DBR1: variants seen among roughly 807,000 people sequenced by gnomAD.
The protein encoded by DBR1 is debranching RNA lariats 1, also known as lariat debranching enzyme.
In DBR1, 33 loss-of-function variants were observed where a neutral mutation model predicts 45.9. The ratio of observed to expected loss-of-function variants is 0.72; its 90% confidence interval spans 0.55 to 0.96. DBR1 has a LOEUF of 0.96. DBR1 is among the 40% of genes least tolerant of loss of function. The probability of loss-of-function intolerance (pLI) is 0.00; values close to 1 mark genes in which losing one functional copy is unlikely to be tolerated. For synonymous variants in DBR1, 235 were observed against 235.9 expected (o/e 1.00, Z 0.04); for missense variants, 619 against 667.4 (o/e 0.93, Z 0.80).
chr3:138,166,587 A>G (rs539725983), intron 5 of DBR1, among the ~76,000 whole-genome samples: 3 of 152,158 alleles, frequency 2.0e-5, no homozygotes, highest in South Asian at 2.1e-4. Context: ...TCACTCCCCA[A>G]ATTTCCCCAT....
chr3:138,162,293 G>C lies in DBR1; in HGVS notation c.1231C>G (p.Gln411Glu), dbSNP rs1402323454. The change falls in exon 8 of 8, where the codon CAG becomes GAG. Residue 411 changes from glutamine (Q) to glutamate (E), a missense_variant. Gln to Glu is a conservative substitution (Grantham distance 29, BLOSUM62 2). Transcript: ENST00000260803. ...GATGTGTCTGTATTATATTCACTCT[G>C]GTCTTCTCCAGAGTCATTACTCTCC... ...DVESNDSGED[Q>E]SEYNTDTSAL... 3 of 1,614,066 alleles carry C rather than the reference G, an allele frequency of 1.9e-6. No homozygotes were observed. Among genetic ancestry groups the C allele is most frequent in the Admixed American group, 3.3e-5 (2 of 60,012 alleles).
At position 138,164,105 on chromosome 3, in the gene DBR1, G is replaced by A. The variant is rs939313181; in HGVS notation, c.715-247C>T. 1.3e-4 allele frequency: 44 copies of A among 336,884 alleles called. No individual in the cohort carries two copies. In the South Asian group the frequency reaches 1.4e-3, roughly 11 times the overall value. 20.9% of individuals were successfully genotyped at this position (336,884 alleles called of 1,614,324 possible). ...CAAGGCAAAAACTAATGATGATGAT[G>A]ATGTTAACTCAAAGCATTGAACACA... On this transcript the variant is annotated intron_variant, in intron 5 of 7. Coordinates refer to ENST00000260803, the MANE Select transcript of DBR1 (RefSeq NM_016216.4).
chr3:138,163,421 C>T lies in DBR1; in HGVS notation c.869G>A (p.Arg290Lys). The change falls in exon 7 of 8, where the codon AGG becomes AAG. Residue 290 changes from arginine (R) to lysine (K), a missense_variant. Coordinates refer to ENST00000260803, the MANE Select transcript of DBR1 (RefSeq NM_016216.4). ...CACATTAATAAGATCATCCGTAGCC[C>T]TGAGAATAGTGAGCCATTCAATATC... ...EYDIEWLTILRATDDLINVTG... is the reference protein window; with the variant it reads ...EYDIEWLTILKATDDLINVTG... 6.2e-7 allele frequency: 1 copy of T among 1,613,666 alleles called. No homozygotes were observed.
intron 5 of DBR1, among the ~76,000 whole-genome samples, chr3:138,164,806 C>T (rs988183964): frequency 2.0e-5 from 3 of 152,164 alleles, no homozygotes; most frequent in African/African-American, 7.2e-5. Flanking sequence ...GCTAACATGC[C>T]CAGCTAATTT....
intron 1 of DBR1, among the ~76,000 whole-genome samples, chr3:138,174,378 T>C (rs527778367): frequency 6.6e-6 from 1 of 152,258 alleles, no homozygotes; most frequent in South Asian, 2.1e-4. Flanking sequence ...CCTAATGAGA[T>C]AGGGTGCTAG....
At chr3:138,165,872 G>C (rs1244832759) in intron 5 of DBR1, among the ~76,000 whole-genome samples, 1 of 152,226 alleles carries the variant, frequency 6.6e-6, no homozygotes, top group Non-Finnish European at 1.5e-5. Flanking sequence ...CAATTACAAA[G>C]AGGTCAAACA....
At position 138,162,210 on chromosome 3, in the gene DBR1, ATCTTCATCTTCT is replaced by A; in HGVS notation, c.1302_1313del (p.Glu434_Glu437del). On this transcript the variant is annotated inframe_deletion, in exon 8 of 8. Transcript: ENST00000260803. The stretch of plus-strand genomic sequence containing the variant: ...TGCCACTATGTGCACTTACAATACT[ATCTTCATCTTCT>A]TCTTCATCTAACATTATTTCATCTG... 6.2e-7 allele frequency: 1 copy of A among 1,613,320 alleles called. No individual in the cohort carries two copies. The highest frequency in any genetic ancestry group is 8.5e-7 in the Non-Finnish European group (1 of 1,179,292).
Position 138,161,880 on chromosome 3 carries a change from T to C in DBR1, c.*9A>G. 1 of 1,598,118 alleles carries C rather than the reference T, an allele frequency of 6.3e-7. No homozygotes were observed. Among genetic ancestry groups the C allele is most frequent in the Non-Finnish European group, 8.6e-7 (1 of 1,167,134 alleles). On this transcript the variant is annotated 3_prime_UTR_variant, in exon 8 of 8. Coordinates refer to ENST00000260803, the MANE Select transcript of DBR1 (RefSeq NM_016216.4). ...AAAACAAACACAAAAACAAAACAAG[T>C]AAATCATCTTAAGCTGCATCGTCAT...
rs746465311 is a variant in DBR1, at chr3:138,171,675, C to T, written c.361G>A (p.Gly121Ser). The T allele has an allele frequency of 3.7e-6, 6 of 1,613,496 alleles. No individual in the cohort carries two copies. Among genetic ancestry groups the T allele is most frequent in the South Asian group, 1.1e-5 (1 of 91,062 alleles). ...GATTTAAAGATACCAGAGATTCCAC[C>T]GATCCTTACACCTCGGTATTTTACC... The part of the protein sequence containing the change: ...GVVKYRGVRI[G>S]GISGIFKSHD... Residue 121 changes from glycine (G) to serine (S), a missense_variant, in exon 3 of 8, where the codon GGT becomes AGT. Gly to Ser is a moderately conservative substitution (Grantham distance 56). Coordinates refer to ENST00000260803, the MANE Select transcript of DBR1 (RefSeq NM_016216.4).
chr3:138,162,188 C>A lies in DBR1; in HGVS notation c.1336G>T (p.Gly446Cys), dbSNP rs2042910807. The A allele has an allele frequency of 1.9e-6, 3 of 1,614,148 alleles. No individual in the cohort carries two copies. The highest frequency in any genetic ancestry group is 2.5e-6 in the Non-Finnish European group (3 of 1,180,030). ...DEDSIVSAHS[G>C]MNTPSVEPSD... ...GGTTCTACCGATGGTGTATTCATGC[C>A]ACTATGTGCACTTACAATACTATCT... The change falls in exon 8 of 8, where the codon GGC becomes TGC. Residue 446 changes from glycine (G) to cysteine (C), a missense_variant. By Grantham distance (159) the Gly-to-Cys change is radical. This residue lies in a region of DBR1 where 182 missense variants were observed against 196.1 expected (regional missense o/e 0.93). Coordinates refer to ENST00000260803, the MANE Select transcript of DBR1 (RefSeq NM_016216.4).
At chr3:138,166,355 G>C (rs946310710) in intron 5 of DBR1, among the ~76,000 whole-genome samples, 1 of 152,072 alleles carries the variant, frequency 6.6e-6, no homozygotes, top group Non-Finnish European at 1.5e-5. Flanking sequence ...AGAAAACTGG[G>C]GGTCATCCTG....
chr3:138,162,783 C>G (rs557451697), intron 7 of DBR1, among the ~76,000 whole-genome samples: 2 of 152,276 alleles, frequency 1.3e-5, no homozygotes, highest in Admixed American at 1.3e-4. Flanking sequence ...AACTCATACT[C>G]CAAAACAATT....
rs201374621 is a variant in DBR1 at position 138,161,879 on chromosome 3, G to A, written c.*10C>T. 6.3e-7 allele frequency: 1 copy of A among 1,598,100 alleles called. No individual in the cohort carries two copies. Among genetic ancestry groups the A allele is most frequent in the Non-Finnish European group, 8.6e-7 (1 of 1,166,630 alleles). On this transcript the variant is annotated 3_prime_UTR_variant, in exon 8 of 8. Coordinates refer to ENST00000260803, the MANE Select transcript of DBR1 (RefSeq NM_016216.4). ...CAAAACAAACACAAAAACAAAACAA[G>A]TAAATCATCTTAAGCTGCATCGTCA...
At position 138,161,873 on chromosome 3, in the gene DBR1, A is replaced by G; in HGVS notation, c.*16T>C. 6.3e-7 allele frequency: 1 copy of G among 1,595,152 alleles called. No homozygotes were observed. The highest frequency in any genetic ancestry group is 1.3e-5 in the African/African-American group (1 of 74,544). Reference sequence around the variant, plus strand: ...AAAAAACAAAACAAACACAAAAACAAAACAAGTAAATCATCTTAAGCTGCA... The same window carrying G: ...AAAAAACAAAACAAACACAAAAACAGAACAAGTAAATCATCTTAAGCTGCA... On this transcript the variant is annotated 3_prime_UTR_variant, in exon 8 of 8. Transcript: ENST00000260803.
Position 138,162,320 on chromosome 3 carries a change from C to A in DBR1, c.1204G>T (p.Val402Leu), listed in dbSNP as rs769445912. ...TCTTCTCCAGAGTCATTACTCTCCA[C>A]ATCATCCTGTTCTTCATATTCACCA... ...VCGEYEEQDD[V>L]ESNDSGEDQS... is the part of the protein sequence containing the mutation. Residue 402 changes from valine (V) to leucine (L), a missense_variant, in exon 8 of 8, where the codon GTG becomes TTG. Physicochemically the swap from Val to Leu is conservative, Grantham distance 32 (BLOSUM62 1). Coordinates refer to ENST00000260803, the MANE Select transcript of DBR1 (RefSeq NM_016216.4). 6.2e-7 allele frequency: 1 copy of A among 1,614,224 alleles called. No individual in the cohort carries two copies. Among genetic ancestry groups the A allele is most frequent in the African/African-American group, 1.3e-5 (1 of 75,066 alleles).
rs1395618768 is a variant in DBR1, at chr3:138,167,111, A to G, written c.684T>C (p.His228=). 2 of 1,614,090 alleles carry G rather than the reference A, an allele frequency of 1.2e-6. No homozygotes were observed. The highest frequency in any genetic ancestry group is 1.6e-4 in the Middle Eastern group (1 of 6,084). ...GCTGCATCAAGGCGGCAAACTTCAC[A>G]TGAAGGTGGGCAGAAAACCAATAAG... ...KPTYWFSAHL[H]VKFAALMQHQ... Residue 228 remains histidine, a synonymous_variant, in exon 5 of 8, where the codon CAT becomes CAC. Transcript: ENST00000260803.
At position 138,174,741 on chromosome 3, in the gene DBR1, T is replaced by C. The variant is rs758049679; in HGVS notation, c.55A>G (p.Thr19Ala). 106 of 1,612,590 alleles carry C rather than the reference T, an allele frequency of 6.6e-5. No homozygotes were observed. The Admixed American group carries it at 1.8e-3, about 27-fold the overall frequency. ...CCGCGCCGCTCTGCCAGCGCCAGCG[T>C]CTCATAGATCTTATCCAGCTCGCCG... ...CHGELDKIYETLALAERRGPG... is the reference protein window; with the variant it reads ...CHGELDKIYEALALAERRGPG... The change falls in exon 1 of 8, where the codon ACG becomes GCG. Residue 19 changes from threonine to alanine, a missense_variant. Physicochemically the swap from Thr to Ala is moderately conservative, Grantham distance 58 (BLOSUM62 0). Around this residue, in one of 3 missense-constraint regions of DBR1, gnomAD observed 430 missense variants for 447.7 expected, o/e 0.96. Coordinates refer to ENST00000260803, the MANE Select transcript of DBR1 (RefSeq NM_016216.4).
chr3:138,164,133 T>A (rs2042919987), intron 5 of DBR1: 1 of 229,682 alleles, frequency 4.4e-6, no homozygotes, highest in Non-Finnish European at 8.6e-6. Context: ...TGAACACACA[T>A]AAATCAAAGC....
At chr3:138,164,588 A>AT (rs2042922013) in intron 5 of DBR1, among the ~76,000 whole-genome samples, 1 of 152,188 alleles carries the variant, frequency 6.6e-6, no homozygotes, top group African/African-American at 2.4e-5. Flanking sequence ...TGATATTAGC[A>AT]CAACTCTGGA....
Sources: allele counts gnomAD v4.1 joint callset (sites outside exome capture counted in the v4.1 genomes callset), GRCh38; gene constraint gnomAD v4.1.1; regional missense constraint gnomAD v4.1.1; transcripts MANE v1.5; gene names NCBI Gene and HGNC (gene_info 2026-07-23, HGNC 2026-07-21).